ACSL3: variants seen among roughly 807,000 people sequenced by gnomAD.
ACSL3 encodes fatty acid CoA ligase Acsl3.
In ACSL3, 34 loss-of-function variants were observed where a neutral mutation model predicts 84.7. The ratio of observed to expected loss-of-function variants is 0.40; its 90% CI spans 0.31 to 0.53. The LOEUF (loss-of-function observed/expected upper bound fraction) is 0.53, where lower values mean the gene tolerates loss of function less well. Among genes scored for constraint, ACSL3 ranks in the 20% least tolerant of loss-of-function variants. ACSL3 has a pLI of 0.48. For synonymous variants in ACSL3, 315 were observed against 299.4 expected, an observed-to-expected ratio of 1.05 and a Z score of -0.54; for missense variants, 680 against 873.1, an observed-to-expected ratio of 0.78 and a Z score of 2.79.
intron 11 of ACSL3, 128 bp from the exon 12 acceptor site, chr2:222,926,889 G>C: frequency 1.1e-6 from 1 of 951,250 alleles, no homozygotes; most frequent in Non-Finnish European, 1.5e-6. Flanking sequence ...CTCCAAATTG[G>C]CTGTGTGACC....
intron 2 of ACSL3, among the ~76,000 whole-genome samples, chr2:222,892,581 CT>C (rs1157470775): frequency 6.6e-6 from 1 of 152,110 alleles, no homozygotes; most frequent in Non-Finnish European, 1.5e-5. Context: ...ATCTGGGACT[CT>C]TAAGTCTCTG....
At chr2:222,873,699 A>T (rs1184972716) in intron 1 of ACSL3, among the ~76,000 whole-genome samples, 1 of 152,310 alleles carries the variant, frequency 6.6e-6, no homozygotes, top group Middle Eastern at 3.4e-3. Flanking sequence ...AGCAATTCCC[A>T]TGTTATTGAA....
At chr2:222,871,005 C>G (rs950477030) in intron 1 of ACSL3, among the ~76,000 whole-genome samples, 1 of 151,904 alleles carries the variant, frequency 6.6e-6, no homozygotes, top group African/African-American at 2.4e-5. Flanking sequence ...GGACTAGAGA[C>G]AGAGGAATAG....
At chr2:222,876,295 CTT>C (rs1285218835) in intron 1 of ACSL3, among the ~76,000 whole-genome samples, 1 of 151,870 alleles carries the variant, frequency 6.6e-6, no homozygotes, top group East Asian at 1.9e-4. Flanking sequence ...CTAGTTATTG[CTT>C]TATGGTTTTT....
chr2:222,933,473 T>A, intron 15 of ACSL3, 193 bp downstream of exon 15: 1 of 486,150 alleles, frequency 2.1e-6, no homozygotes, highest in Non-Finnish European at 3.6e-6. Context: ...TCTTTCTCTC[T>A]GTCCCTGTTT....
Position 222,916,494 on chromosome 2 carries a change from A to G in ACSL3, c.554A>G (p.Gln185Arg). The G allele has an allele frequency of 1.3e-6, 2 of 1,587,872 alleles. No individual in the cohort carries two copies. The highest frequency in any genetic ancestry group is 1.7e-6 in the Non-Finnish European group (2 of 1,165,506). ...AAQACFMYNF[Q>R]LVTLYATLGG... ...CAGGCGTGTTTTATGTATAATTTTCAGCGTATGTAGACTTTCTTATCTTCT... is the reference window on the plus strand; with the variant it reads ...CAGGCGTGTTTTATGTATAATTTTCGGCGTATGTAGACTTTCTTATCTTCT... Residue 185 changes from glutamine to arginine, a missense_variant and splice_region_variant, in exon 5 of 17, where the codon CAG (glutamine) becomes CGG (arginine). By Grantham distance (43) the Gln-to-Arg change is conservative. Around this residue, in one of 2 missense-constraint regions of ACSL3, gnomAD observed 333 missense variants for 347.5 expected, o/e 0.96. Coordinates refer to ENST00000357430, the MANE Select transcript of ACSL3 (RefSeq NM_004457.5).
chr2:222,894,953 T>TG lies in ACSL3; in HGVS notation c.-147-5721_-147-5720insG, dbSNP rs1559285542. ...GTCTCCCAGGTGTGTGTGTGTGTCTTTCCAAGTTTTATCTTCAGACTATGT... is the reference window on the plus strand; with the variant it reads ...GTCTCCCAGGTGTGTGTGTGTGTCTTGTCCAAGTTTTATCTTCAGACTATGT... On this transcript the variant is annotated intron_variant, in intron 2 of 16. Coordinates refer to ENST00000357430, the MANE Select transcript of ACSL3 (RefSeq NM_004457.5). Among the ~76,000 whole-genome samples, 492 of 151,920 alleles carry TG rather than the reference T, an allele frequency of 3.2e-3. 2 individuals are homozygous for TG. Among genetic ancestry groups the TG allele is most frequent in the African/African-American group, 0.011 (440 of 41,500 alleles).
At chr2:222,879,329 A>G (rs1695533746) in intron 1 of ACSL3, among the ~76,000 whole-genome samples, 1 of 152,188 alleles carries the variant, frequency 6.6e-6, no homozygotes, top group South Asian at 2.1e-4. Flanking sequence ...AAAATAAAAT[A>G]AAATAAAAAA....
chr2:222,917,945 A>T, intron 5 of ACSL3, 101 bp from the exon 6 acceptor site: 1 of 798,692 alleles, frequency 1.3e-6, no homozygotes, highest in Non-Finnish European at 2.1e-6. Flanking sequence ...TTAACAGTTT[A>T]GGGCTCCTAA....
intron 6 of ACSL3, 60 bp from the exon 7 acceptor site, chr2:222,919,004 T>C: frequency 1.9e-6 from 3 of 1,585,064 alleles, no homozygotes; most frequent in Non-Finnish European, 1.7e-6. Flanking sequence ...TAAACTAGTA[T>C]TCTTATTCGC....
rs151285281 is a variant in ACSL3, at chr2:222,898,607, G to A, written c.-147-2067G>A. On this transcript the variant is annotated intron_variant, in intron 2 of 16. Transcript: ENST00000357430. ...TGGGAGGCCGAGGCGGGCGGATCAC[G>A]AGGTAGGAGATCGAGACCATCCCGG... Among the ~76,000 whole-genome samples the A allele has an allele frequency of 6.3e-3, 956 of 152,258 alleles. 10 individuals are homozygous for A. Among genetic ancestry groups the A allele is most frequent in the African/African-American group, 0.022 (904 of 41,546 alleles).
Position 222,933,221 on chromosome 2 carries a change from A to G in ACSL3, c.1788A>G (p.Lys596=). ...CAGGGGAATATGTTTCTCTTGGGAA[A>G]GTAGAGGCAGCTTTGAAGAATCTTC... ...LQAGEYVSLG[K]VEAALKNLPL... Residue 596 remains lysine, a synonymous_variant, in exon 15 of 17, where the codon AAA becomes AAG. Transcript: ENST00000357430. 1.2e-6 allele frequency: 2 copies of G among 1,614,030 alleles called. No individual in the cohort carries two copies. The highest frequency in any genetic ancestry group is 1.7e-6 in the Non-Finnish European group (2 of 1,179,980).
chr2:222,866,830 TTTTC>T (rs1435852077), intron 1 of ACSL3, among the ~76,000 whole-genome samples: 1 of 124,526 alleles, frequency 8.0e-6, no homozygotes, highest in African/African-American at 3.0e-5. Flanking sequence ...ATTTTCTTTT[TTTTC>T]TTTTTCTTTT....
At chr2:222,889,813 A>C (rs190897059) in intron 2 of ACSL3, among the ~76,000 whole-genome samples, 17 of 152,304 alleles carry the variant, frequency 1.1e-4, no homozygotes, top group Admixed American at 3.3e-4. Context: ...GTTTTTGAGC[A>C]CTTGCAGAAA....
intron 1 of ACSL3, among the ~76,000 whole-genome samples, chr2:222,886,114 T>C (rs547779316): frequency 6.6e-6 from 1 of 152,138 alleles, no homozygotes. Flanking sequence ...CAGGTTTACA[T>C]GTATACGTAG....
At chr2:222,916,061 A>G (rs1696573281) in intron 4 of ACSL3, among the ~76,000 whole-genome samples, 1 of 152,308 alleles carries the variant, frequency 6.6e-6, no homozygotes, top group East Asian at 1.9e-4. Flanking sequence ...CAAACTCTCA[A>G]TATTTTTGAA....
At chr2:222,865,279 A>G (rs1290267007) in intron 1 of ACSL3, among the ~76,000 whole-genome samples, 1 of 152,092 alleles carries the variant, frequency 6.6e-6, no homozygotes, top group African/African-American at 2.4e-5. Flanking sequence ...TCCCATTTTG[A>G]AGGGTAAAGA....
intron 1 of ACSL3, among the ~76,000 whole-genome samples, chr2:222,876,924 T>C (rs931601468): frequency 1.3e-5 from 2 of 152,098 alleles, no homozygotes; most frequent in African/African-American, 4.8e-5. Context: ...AGATAAACGA[T>C]GGAGGTAAAA....
intron 1 of ACSL3, among the ~76,000 whole-genome samples, chr2:222,881,034 C>T (rs934725147): frequency 1.3e-5 from 2 of 151,932 alleles, no homozygotes; most frequent in Non-Finnish European, 2.9e-5. Context: ...ATTGCATTGG[C>T]TAAAGTGCAG....
Sources: gnomAD v4.1 joint callset for allele counts (sites outside exome capture counted in the v4.1 genomes callset) on GRCh38, gnomAD v4.1.1 for gene constraint, gnomAD v4.1.1 regional missense constraint, MANE v1.5 for transcripts, NCBI Gene and HGNC (gene_info 2026-07-23, HGNC 2026-07-21) for gene names.